EXOC6B: variants seen among roughly 807,000 people sequenced by gnomAD.
EXOC6B encodes exocyst complex component 6B.
In EXOC6B, 54 loss-of-function variants were observed where a neutral mutation model predicts 113.5. That is an observed-to-expected ratio of 0.48 (90% CI 0.38 to 0.60). EXOC6B has a LOEUF of 0.60. Ranked by LOEUF, EXOC6B falls within the 20% of genes least tolerant of loss-of-function variation. The probability of loss-of-function intolerance (pLI) is 0.00; values close to 1 mark genes in which losing one functional copy is unlikely to be tolerated. For missense variants in EXOC6B, 797 were observed against 977.5 expected (o/e 0.82, Z 2.46); for synonymous variants, 357 against 339.0 (o/e 1.05, Z -0.58).
intron 20 of EXOC6B, among the ~76,000 whole-genome samples, chr2:72,227,573 TGTA>T (rs1323561402): frequency 2.0e-5 from 3 of 152,170 alleles, no homozygotes; most frequent in Admixed American, 6.5e-5. Context: ...TTAGTAAAAA[TGTA>T]GTAGATTTGA....
intron 12 of EXOC6B, 55 bp downstream of exon 12, chr2:72,499,846 T>G (rs1478224932): frequency 1.4e-5 from 18 of 1,270,624 alleles, no homozygotes; most frequent in Non-Finnish European, 1.9e-5. Context: ...GAAAAAGGTT[T>G]AGAGCTGATT....
chr2:72,447,360 C>T (rs1290933220), intron 18 of EXOC6B, among the ~76,000 whole-genome samples: 1 of 152,134 alleles, frequency 6.6e-6, no homozygotes, highest in Non-Finnish European at 1.5e-5. Context: ...AAACTAAGAT[C>T]TATCTCTCTG....
Position 72,489,721 on chromosome 2 carries a change from C to A in EXOC6B, c.1665+2597G>T, listed in dbSNP as rs563357436. 7.2e-5 allele frequency among the ~76,000 whole-genome samples: 11 copies of A among 152,186 alleles called. No homozygotes were observed. In the East Asian group the frequency reaches 2.1e-3, roughly 29 times the overall value. On this transcript the variant is annotated intron_variant, in intron 16 of 21. Transcript: ENST00000272427. ...AATACTCAATTACACTTTTCATAGA[C>A]CTTATGAAGCAGCCCTAGGAAAATA...
At chr2:72,643,005 T>C (rs1673383769) in intron 6 of EXOC6B, among the ~76,000 whole-genome samples, 1 of 151,872 alleles carries the variant, frequency 6.6e-6, no homozygotes, top group Non-Finnish European at 1.5e-5. Context: ...CCAAAAAACA[T>C]GAAAAAATGC....
At chr2:72,273,891 C>T (rs1684659475) in intron 20 of EXOC6B, among the ~76,000 whole-genome samples, 1 of 152,082 alleles carries the variant, frequency 6.6e-6, no homozygotes, top group Non-Finnish European at 1.5e-5. Flanking sequence ...GCAGTGGGAA[C>T]ACTGAGAAAA....
intron 6 of EXOC6B, among the ~76,000 whole-genome samples, chr2:72,634,111 A>C (rs1200559472): frequency 6.6e-6 from 1 of 152,184 alleles, no homozygotes; most frequent in East Asian, 1.9e-4. Context: ...GAAAAGAAGA[A>C]GGCAGTGGTT....
chr2:72,354,058 T>A (rs573062255), intron 19 of EXOC6B, among the ~76,000 whole-genome samples: 1 of 152,110 alleles, frequency 6.6e-6, no homozygotes, highest in Non-Finnish European at 1.5e-5. Flanking sequence ...AGGAAAATGG[T>A]CTTTTAGAAA....
intron 20 of EXOC6B, among the ~76,000 whole-genome samples, chr2:72,271,173 C>A (rs746721095): frequency 1.3e-5 from 2 of 152,046 alleles, no homozygotes; most frequent in Non-Finnish European, 2.9e-5. Context: ...TGATTGGGAC[C>A]AAGAGTAAGG....
intron 6 of EXOC6B, among the ~76,000 whole-genome samples, chr2:72,707,164 A>G (rs998580130): frequency 2.6e-5 from 4 of 152,216 alleles, no homozygotes; most frequent in African/African-American, 7.2e-5. Context: ...TTTTACAAGC[A>G]TAATAAAATC....
Position 72,677,789 on chromosome 2 carries a change from G to A in EXOC6B, c.669+40314C>T, listed in dbSNP as rs560232866. On this transcript the variant is annotated intron_variant, in intron 6 of 21. Transcript: ENST00000272427. ...ACAGTGCCTAACATGAAGACATGTA[G>A]AAAATCCAAGCACATTTAGAACAGA... Among the ~76,000 whole-genome samples, 56 of 152,294 alleles carry A rather than the reference G, an allele frequency of 3.7e-4. 1 individual carries two copies. The highest frequency in any genetic ancestry group is 1.3e-3 in the African/African-American group (53 of 41,568).
At chr2:72,319,020 T>C (rs1484035818) in intron 20 of EXOC6B, among the ~76,000 whole-genome samples, 1 of 151,868 alleles carries the variant, frequency 6.6e-6, no homozygotes, top group East Asian at 1.9e-4. Flanking sequence ...GAATCAGCAA[T>C]AGATTTAAAA....
chr2:72,199,968 C>A (rs2104328114), intron 20 of EXOC6B, among the ~76,000 whole-genome samples: 1 of 152,276 alleles, frequency 6.6e-6, no homozygotes, highest in East Asian at 1.9e-4. Flanking sequence ...ACGATCTCGG[C>A]TCACTGCAAC....
intron 20 of EXOC6B, among the ~76,000 whole-genome samples, chr2:72,198,835 T>C (rs1054821312): frequency 1.3e-5 from 2 of 152,188 alleles, no homozygotes; most frequent in Non-Finnish European, 2.9e-5. Context: ...GAAACAACAC[T>C]GAAATCAGAT....
chr2:72,280,941 A>G (rs1685090432), intron 20 of EXOC6B, among the ~76,000 whole-genome samples: 1 of 152,098 alleles, frequency 6.6e-6, no homozygotes, highest in South Asian at 2.1e-4. Context: ...GCATAGGCCA[A>G]TGCTAAGCTA....
chr2:72,376,645 G>C (rs974442587), intron 19 of EXOC6B, among the ~76,000 whole-genome samples: 3 of 151,960 alleles, frequency 2.0e-5, no homozygotes, highest in Non-Finnish European at 4.4e-5. Context: ...TTATGTATTA[G>C]GTCCATCTTA....
At chr2:72,293,276 C>T (rs1354703672) in intron 20 of EXOC6B, among the ~76,000 whole-genome samples, 1 of 151,966 alleles carries the variant, frequency 6.6e-6, no homozygotes, top group African/African-American at 2.4e-5. Context: ...ATTTCAGTCC[C>T]TACCTAGTGC....
chr2:72,421,864 G>A lies in EXOC6B; in HGVS notation c.1981-41994C>T, dbSNP rs900747508. On this transcript the variant is annotated intron_variant, in intron 18 of 21. Transcript: ENST00000272427. ...AGCGGGAACCGGGGCTGCGTGCAGC[G>A]CTTGCGGGCCAGCTGGAGTTCCGGG... Among the ~76,000 whole-genome samples, 6 of 152,326 alleles carry A rather than the reference G, an allele frequency of 3.9e-5. No homozygotes were observed. In the East Asian group the frequency reaches 7.7e-4, roughly 20 times the overall value.
chr2:72,635,822 T>G (rs1250521232), intron 6 of EXOC6B, among the ~76,000 whole-genome samples: 1 of 152,164 alleles, frequency 6.6e-6, no homozygotes, highest in East Asian at 1.9e-4. Context: ...TAAACAGAAT[T>G]CAGCAATTTA....
At chr2:72,437,501 C>T (rs11890908) in intron 18 of EXOC6B, among the ~76,000 whole-genome samples, 1,566 of 152,240 alleles carry the variant, frequency 0.01, 41 homozygotes, top group African/African-American at 0.035. Flanking sequence ...TGCCCACAGC[C>T]GCCCCTTCCC....
Sources: allele counts gnomAD v4.1 joint callset (sites outside exome capture counted in the v4.1 genomes callset), GRCh38; gene constraint gnomAD v4.1.1; transcripts MANE v1.5; gene names NCBI Gene and HGNC (gene_info 2026-07-23, HGNC 2026-07-21).